NKAIN1: variants seen among roughly 807,000 people sequenced by gnomAD.
NKAIN1 encodes the protein sodium/potassium-transporting ATPase subunit beta-1-interacting protein 1.
A neutral mutation model predicts 31.6 loss-of-function variants in NKAIN1; 13 were observed. The observed-to-expected ratio is 0.41, with a 90% CI of 0.27 to 0.65. NKAIN1 has a LOEUF of 0.65. Among genes scored for constraint, NKAIN1 ranks in the 30% least tolerant of loss-of-function variants. The pLI is 0.30. For synonymous variants in NKAIN1, 104 were observed against 109.0 expected (o/e 0.95, Z 0.28); for missense variants, 193 against 262.2 (o/e 0.74, Z 1.82).
intron 1 of NKAIN1, among the ~76,000 whole-genome samples, chr1:31,210,371 C>G (rs557115017): frequency 1.3e-5 from 2 of 151,432 alleles, no homozygotes; most frequent in East Asian, 3.9e-4. Context: ...TCACTGCAAC[C>G]TCCGTCTCCT....
chr1:31,212,410 T>C (rs12032980), intron 1 of NKAIN1, among the ~76,000 whole-genome samples: 91,958 of 143,400 alleles, frequency 0.64, 30,318 homozygotes, highest in Middle Eastern at 0.84. Flanking sequence ...TTCTTTTTTT[T>C]TTTTTTTTTT....
intron 1 of NKAIN1, among the ~76,000 whole-genome samples, chr1:31,235,486 A>G (rs945154104): frequency 1.3e-5 from 2 of 152,084 alleles, no homozygotes; most frequent in African/African-American, 4.8e-5. Context: ...AGGCCGAGGT[A>G]GGAGGATCAC....
intron 1 of NKAIN1, among the ~76,000 whole-genome samples, chr1:31,232,276 A>C (rs1369300177): frequency 6.8e-6 from 1 of 147,858 alleles, no homozygotes; most frequent in East Asian, 2.0e-4. Context: ...TTTTTAGTAG[A>C]GACAGGGTTT....
At chr1:31,222,457 C>G (rs1645571546) in intron 1 of NKAIN1, among the ~76,000 whole-genome samples, 1 of 152,248 alleles carries the variant, frequency 6.6e-6, no homozygotes, top group South Asian at 2.1e-4. Flanking sequence ...AGGCCAGAGA[C>G]TGTCATCTGC....
At chr1:31,182,470 G>A (rs1645210398) in intron 5 of NKAIN1, 60 bp downstream of exon 5, 1 of 1,594,140 alleles carries the variant, frequency 6.3e-7, no homozygotes, top group Middle Eastern at 1.7e-4. Context: ...ACAGGCCTCT[G>A]TCCAGGGTGC....
chr1:31,185,514 G>A (rs1192195473), intron 2 of NKAIN1, among the ~76,000 whole-genome samples, 187 bp from the exon 3 acceptor site: 8 of 152,290 alleles, frequency 5.3e-5, no homozygotes, highest in African/African-American at 1.9e-4. Flanking sequence ...GCCCTGCAAG[G>A]TCAGCACTGC....
chr1:31,228,910 C>T (rs1157653207), intron 1 of NKAIN1, among the ~76,000 whole-genome samples: 1 of 152,168 alleles, frequency 6.6e-6, no homozygotes, highest in African/African-American at 2.4e-5. Flanking sequence ...ATAAATCCCA[C>T]TGCCTAGGAC....
rs947296274 is a variant in NKAIN1 at position 31,233,513 on chromosome 1, C to A, written c.54+5981G>T. ...TATCATTTATGTGGCCATGGATAAG[C>A]CACACAGTAGCAAGAGACATATATA... On this transcript the variant is annotated intron_variant, in intron 1 of 6. Coordinates refer to ENST00000373736, the MANE Select transcript of NKAIN1 (RefSeq NM_024522.3). This position sits in a 1 kb window ranked among gnomAD's most constrained non-coding sequence, Gnocchi z 4.0. Among the ~76,000 whole-genome samples the A allele has an allele frequency of 2.0e-5, 3 of 152,178 alleles. No individual in the cohort carries two copies. Among genetic ancestry groups the A allele is most frequent in the Non-Finnish European group, 2.9e-5 (2 of 68,040 alleles).
chr1:31,230,579 C>T (rs907314021), intron 1 of NKAIN1, among the ~76,000 whole-genome samples: 1 of 152,186 alleles, frequency 6.6e-6, no homozygotes, highest in Non-Finnish European at 1.5e-5. Flanking sequence ...TGAAGCTCTC[C>T]CTCATCTGTG....
chr1:31,214,838 G>A (rs981079554), intron 1 of NKAIN1, among the ~76,000 whole-genome samples: 2 of 152,226 alleles, frequency 1.3e-5, no homozygotes, highest in Non-Finnish European at 1.5e-5. Context: ...AGAGCTGGGG[G>A]AATGCGAGGG....
At position 31,182,521 on chromosome 1, in the gene NKAIN1, C is replaced by T. The variant is rs1156821257; in HGVS notation, c.532+9G>A. On this transcript the variant is annotated intron_variant, in intron 5 of 6. Coordinates refer to ENST00000373736, the MANE Select transcript of NKAIN1 (RefSeq NM_024522.3). ...AGATTCCCCACTTCCCCAGGGGCGCCTTACTCACAGCTGTCCTCCTCCTCC... is the reference window on the plus strand; with the variant it reads ...AGATTCCCCACTTCCCCAGGGGCGCTTTACTCACAGCTGTCCTCCTCCTCC... 1 of 1,614,122 alleles carries T rather than the reference C, an allele frequency of 6.2e-7. No homozygotes were observed.
chr1:31,208,040 A>G (rs953402826), intron 1 of NKAIN1, among the ~76,000 whole-genome samples: 2 of 152,074 alleles, frequency 1.3e-5, no homozygotes, highest in Non-Finnish European at 2.9e-5. Flanking sequence ...CCCCCAAAGC[A>G]TCACCGCTGT....
At chr1:31,221,835 G>A (rs1645567320) in intron 1 of NKAIN1, among the ~76,000 whole-genome samples, 1 of 152,058 alleles carries the variant, frequency 6.6e-6, no homozygotes, top group Admixed American at 6.6e-5. Context: ...AGGGGCCAGG[G>A]GTAGGGTTTA....
intron 1 of NKAIN1, among the ~76,000 whole-genome samples, chr1:31,190,627 C>G (rs985419128): frequency 6.6e-6 from 1 of 152,166 alleles, no homozygotes; most frequent in Non-Finnish European, 1.5e-5. Context: ...GGGCAGCCCA[C>G]TTTCCCCGCT....
intron 1 of NKAIN1, among the ~76,000 whole-genome samples, chr1:31,231,729 A>AC (rs2148368151): frequency 6.7e-6 from 1 of 149,908 alleles, no homozygotes; most frequent in Admixed American, 6.6e-5. Context: ...ACAGGGTTTC[A>AC]CAGTGTTAGC....
intron 5 of NKAIN1, 37 bp downstream of exon 5, chr1:31,182,493 G>T: frequency 1.2e-6 from 2 of 1,611,316 alleles, no homozygotes; most frequent in East Asian, 2.2e-5. Context: ...AAGGCGCAGG[G>T]CCAGATTCCC....
In NKAIN1 at chr1:31,181,473, C is replaced by T; in HGVS notation, c.*230G>A. ...AAACAAAAAACCCGTGGTGCCCCTC[C>T]CCCGCCCCGCCCCACTCCTCCGAAG... On this transcript the variant is annotated 3_prime_UTR_variant, in exon 7 of 7. Coordinates refer to ENST00000373736, the MANE Select transcript of NKAIN1 (RefSeq NM_024522.3). 1 of 414,140 alleles carries T rather than the reference C, an allele frequency of 2.4e-6. No homozygotes were observed. Among genetic ancestry groups the T allele is most frequent in the Non-Finnish European group, 4.3e-6 (1 of 233,372 alleles). 25.7% of individuals were successfully genotyped at this position (414,140 alleles called of 1,614,324 possible). A position where few individuals can be genotyped will look rare whatever the true frequency, so the allele number is the denominator to read the frequency against.
intron 1 of NKAIN1, among the ~76,000 whole-genome samples, chr1:31,203,295 A>T (rs1477728051): frequency 6.6e-6 from 1 of 152,054 alleles, no homozygotes; most frequent in Non-Finnish European, 1.5e-5. Context: ...AAAATAAATA[A>T]AAAATAATGA....
At chr1:31,218,068 C>CTTTCTTTCTTTCT (rs71569970) in intron 1 of NKAIN1, among the ~76,000 whole-genome samples, 41 of 132,978 alleles carry the variant, frequency 3.1e-4, no homozygotes, top group African/African-American at 7.9e-4. Context: ...TTCTTTCTTT[C>CTTTCTTTCTTTCT]TTTTTTTTTT....
Sources: allele counts gnomAD v4.1 joint callset (sites outside exome capture counted in the v4.1 genomes callset), GRCh38; gene constraint gnomAD v4.1.1; non-coding constraint Gnocchi (gnomAD v3.1); transcripts MANE v1.5; gene names NCBI Gene and HGNC (gene_info 2026-07-23, HGNC 2026-07-21).